The following SMARCA2 variants were observed in gnomAD, a reference collection of about 807,000 sequenced individuals.
SMARCA2 encodes SWI/SNF related BAF chromatin remodeling complex subunit ATPase 2.
In SMARCA2, 61 loss-of-function variants were observed where a neutral mutation model predicts 199.8. The observed-to-expected ratio is 0.31, with a 90% confidence interval of 0.25 to 0.38. The LOEUF (loss-of-function observed/expected upper bound fraction) is 0.38. Ranked by LOEUF, SMARCA2 falls within the 10% of genes least tolerant of loss-of-function variation. The pLI, the probability that SMARCA2 is intolerant of heterozygous loss-of-function variation, is 1.00. For synonymous variants in SMARCA2, 935 were observed against 732.0 expected, an observed-to-expected ratio of 1.28 and a Z score of -4.48; for missense variants, 1,344 against 2,012.2, an observed-to-expected ratio of 0.67 and a Z score of 6.35.
At chr9:2,187,548 C>T (rs192289462) in intron 32 of SMARCA2, among the ~76,000 whole-genome samples, 30 of 152,110 alleles carry the variant, frequency 2.0e-4, no homozygotes, top group East Asian at 5.8e-4. Context: ...TGTGGTGGCA[C>T]GTGTCTATAG....
At chr9:2,060,695 C>T (rs1432460496) in intron 8 of SMARCA2, 121 bp from the exon 9 acceptor site, 7 of 835,898 alleles carry the variant, frequency 8.4e-6, no homozygotes, top group South Asian at 3.3e-5. Flanking sequence ...CAGCCCAACT[C>T]ATCCAGTTTG....
Position 2,186,214 on chromosome 9 carries a change from A to G in SMARCA2, c.4580A>G (p.Glu1527Gly), listed in dbSNP as rs561660690. The G allele has an allele frequency of 6.2e-7, 1 of 1,614,008 alleles. No individual in the cohort carries two copies. Among genetic ancestry groups the G allele is most frequent in the East Asian group, 2.2e-5 (1 of 44,870 alleles). ...GAGGAGGAAGAGGAAGATGAAGAAGAGTCAGAGTCCGAGGGTAAGCCCAGA... is the reference window on the plus strand; with the variant it reads ...GAGGAGGAAGAGGAAGATGAAGAAGGGTCAGAGTCCGAGGGTAAGCCCAGA... ...NEEEEEEDEE[E>G]SESEAKSVKV... Residue 1527 changes from glutamate to glycine, a missense_variant, in exon 32 of 34, where the codon GAG becomes GGG. By Grantham distance (98) the Glu-to-Gly change is moderately conservative. Transcript: ENST00000349721.
At chr9:2,060,004 G>C (rs775105914) in intron 8 of SMARCA2, among the ~76,000 whole-genome samples, 4 of 151,630 alleles carry the variant, frequency 2.6e-5, no homozygotes, top group Admixed American at 2.0e-4. Flanking sequence ...TGCTTAATGG[G>C]AGGTGGAGGT....
At chr9:2,022,398 C>CA (rs1193575590) in intron 1 of SMARCA2, among the ~76,000 whole-genome samples, 1 of 152,136 alleles carries the variant, frequency 6.6e-6, no homozygotes, top group East Asian at 1.9e-4. Flanking sequence ...GCTTGAAACT[C>CA]AGAGAGGTTA....
chr9:2,110,505 A>C lies in SMARCA2; in HGVS notation c.3456+88A>C. ...TTCATTATTCACATTTACAGGACAG[A>C]GCAAATATCTAAACGAGTGGGCTGT... On this transcript the variant is annotated intron_variant, in intron 24 of 33. Transcript: ENST00000349721. This position sits in a 1 kb window ranked among gnomAD's most constrained non-coding sequence, Gnocchi z 4.8. The C allele has an allele frequency of 2.8e-6, 3 of 1,086,912 alleles. No homozygotes were observed. In the South Asian group the frequency reaches 5.7e-5, roughly 21 times the overall value. The allele number at this position is 1,086,912 out of a possible 1,614,324, so 67.3% of individuals were successfully genotyped here.
intron 26 of SMARCA2, among the ~76,000 whole-genome samples, chr9:2,121,476 C>T (rs1823457674): frequency 6.6e-6 from 1 of 152,186 alleles, no homozygotes; most frequent in Non-Finnish European, 1.5e-5. Flanking sequence ...TATTCCTTAG[C>T]ACCTCCACTT....
rs1395976335 is a variant in SMARCA2 at position 2,161,727 on chromosome 9, A to G, written c.4023A>G (p.Val1341=). 1 of 1,614,086 alleles carries G rather than the reference A, an allele frequency of 6.2e-7. No homozygotes were observed. Among genetic ancestry groups the G allele is most frequent in the Non-Finnish European group, 8.5e-7 (1 of 1,179,976 alleles). Residue 1341 remains valine, a synonymous_variant, in exon 28 of 34, where the codon GTA becomes GTG. Transcript: ENST00000349721. The surrounding 1 kb of genome is among the most constrained non-coding windows in gnomAD (Gnocchi z 4.7). ...DGNLEEMEEE[V]RLKKRKRRRN... is the part of the protein sequence containing the mutation. ...ATTTGGAGGAAATGGAAGAGGAAGTACGGCTTAAGAAGCGAAAAAGACGAA... is the reference window on the plus strand; with the variant it reads ...ATTTGGAGGAAATGGAAGAGGAAGTGCGGCTTAAGAAGCGAAAAAGACGAA...
chr9:2,120,644 T>C (rs1244857681), intron 26 of SMARCA2, among the ~76,000 whole-genome samples: 2 of 152,184 alleles, frequency 1.3e-5, no homozygotes, highest in African/African-American at 4.8e-5. Context: ...TGGGGTTTTG[T>C]GTGTGTGGCT....
intron 9 of SMARCA2, among the ~76,000 whole-genome samples, chr9:2,061,646 G>A (rs1820596305): frequency 6.6e-6 from 1 of 152,190 alleles, no homozygotes; most frequent in Non-Finnish European, 1.5e-5. Context: ...CCTCTTTGAA[G>A]CTTAAGTCAT....
chr9:2,084,057 C>A, intron 16 of SMARCA2, 29 bp from the exon 17 acceptor site: 2 of 1,190,476 alleles, frequency 1.7e-6, no homozygotes, highest in Non-Finnish European at 2.5e-6. Flanking sequence ...TCCATAGGAT[C>A]ATGCATGTAT....
Position 2,097,209 on chromosome 9 carries a change from T to G in SMARCA2, c.2992-176T>G, listed in dbSNP as rs1822309261. On this transcript the variant is annotated intron_variant, in intron 20 of 33. Transcript: ENST00000349721. ...GCGTAAGTTAATCACAAGAAAGACA[T>G]TATGTCTAACTCAGGAACTGCTATA... is the stretch of plus-strand genomic sequence containing the variant. The G allele has an allele frequency of 9.2e-6, 5 of 543,794 alleles. No homozygotes were observed. In the East Asian group the frequency reaches 1.5e-4, roughly 16 times the overall value. The allele number at this position is 543,794 out of a possible 1,614,324, so 33.7% of individuals were successfully genotyped here. A position where few individuals can be genotyped will look rare whatever the true frequency, so the allele number is the denominator to read the frequency against.
Position 2,095,178 on chromosome 9 carries a change from C to T in SMARCA2, c.2884-1479C>T, listed in dbSNP as rs568815294. Among the ~76,000 whole-genome samples, 11 of 152,016 alleles carry T rather than the reference C, an allele frequency of 7.2e-5. No individual in the cohort carries two copies. The South Asian group carries it at 2.3e-3, about 32-fold the overall frequency. On this transcript the variant is annotated intron_variant, in intron 19 of 33. Coordinates refer to ENST00000349721, the MANE Select transcript of SMARCA2 (RefSeq NM_003070.5). ...TCAGCTCACTGCAACCTCCGCCTCC[C>T]GGGTTCCAGCGATTCTCCTGCCTCA...
intron 9 of SMARCA2, among the ~76,000 whole-genome samples, chr9:2,066,155 G>A (rs1311835509): frequency 6.6e-6 from 1 of 152,172 alleles, no homozygotes; most frequent in Non-Finnish European, 1.5e-5. Flanking sequence ...TCAGATACCA[G>A]CACATTTGAA....
At chr9:2,113,452 A>C (rs1421089926) in intron 24 of SMARCA2, among the ~76,000 whole-genome samples, 1 of 152,214 alleles carries the variant, frequency 6.6e-6, no homozygotes, top group African/African-American at 2.4e-5. Context: ...GACCTAAGTC[A>C]GTGTGATGAA....
intron 2 of SMARCA2, among the ~76,000 whole-genome samples, chr9:2,032,257 A>G (rs1037374326): frequency 6.6e-5 from 10 of 152,160 alleles, no homozygotes; most frequent in South Asian, 2.1e-4. Flanking sequence ...CCAATTCTGG[A>G]TTGGATTAAT....
intron 9 of SMARCA2, among the ~76,000 whole-genome samples, chr9:2,062,520 T>G (rs978371705): frequency 3.3e-5 from 5 of 152,220 alleles, no homozygotes; most frequent in African/African-American, 1.2e-4. Context: ...AATTGAGTGT[T>G]GATGATTATG....
chr9:2,026,344 T>G (rs969106592), intron 1 of SMARCA2, among the ~76,000 whole-genome samples: 1 of 152,192 alleles, frequency 6.6e-6, no homozygotes, highest in African/African-American at 2.4e-5. Flanking sequence ...CGTTCCTATA[T>G]TAACATTCCA....
intron 19 of SMARCA2, among the ~76,000 whole-genome samples, chr9:2,092,892 A>C (rs1420282014): frequency 6.6e-6 from 1 of 152,232 alleles, no homozygotes; most frequent in Non-Finnish European, 1.5e-5. Flanking sequence ...AGATGCCATC[A>C]CATTTTTTGG....
At chr9:2,149,132 T>C (rs1160603687) in intron 27 of SMARCA2, among the ~76,000 whole-genome samples, 7 of 151,110 alleles carry the variant, frequency 4.6e-5, no homozygotes, top group South Asian at 2.1e-4. Context: ...GACTTACAGT[T>C]CCACATGGCT....
Sources: allele counts gnomAD v4.1 joint callset (sites outside exome capture counted in the v4.1 genomes callset), GRCh38; gene constraint gnomAD v4.1.1; non-coding constraint Gnocchi (gnomAD v3.1); transcripts MANE v1.5; gene names NCBI Gene and HGNC (gene_info 2026-07-23, HGNC 2026-07-21).